The following TYK2 variants were observed in gnomAD, a reference collection of about 807,000 sequenced individuals.
TYK2 encodes tyrosine kinase 2.
TYK2 carries 65 observed loss-of-function variants against 130.9 expected under a neutral mutation model. The observed-to-expected ratio is 0.50, with a 90% CI of 0.41 to 0.61. The LOEUF (loss-of-function observed/expected upper bound fraction) is 0.61, where lower values mean the gene tolerates loss of function less well. Among genes scored for constraint, TYK2 ranks in the 20% least tolerant of loss-of-function variants. The pLI, the probability that TYK2 is intolerant of heterozygous loss-of-function variation, is 0.00. For missense variants in TYK2, 1,378 were observed against 1,610.7 expected, an observed-to-expected ratio of 0.86 and a Z score of 2.47; for synonymous variants, 647 against 658.9, an observed-to-expected ratio of 0.98 and a Z score of 0.28.
chr19:10,357,878 T>G lies in TYK2; in HGVS notation c.2352A>C (p.Leu784=). The G allele has an allele frequency of 1.2e-6, 2 of 1,613,474 alleles. No homozygotes were observed. The highest frequency in any genetic ancestry group is 1.7e-6 in the Non-Finnish European group (2 of 1,180,014). The change falls in exon 17 of 25, where the codon CTA becomes CTC. Residue 784 remains leucine, a synonymous_variant. Coordinates refer to ENST00000525621, the MANE Select transcript of TYK2 (RefSeq NM_003331.5). ...TGCTTAGGCTGTTGGCCCCACCTGG[T>G]AGGCATTCGGGGGCCAGCCAGGGGA... ...ERIPWLAPEC[L]PGGANSLSTA... is the part of the protein sequence containing the mutation.
At chr19:10,366,819 C>T (rs576433804) in intron 5 of TYK2, among the ~76,000 whole-genome samples, 10 of 150,864 alleles carry the variant, frequency 6.6e-5, no homozygotes, top group Admixed American at 4.0e-4. Flanking sequence ...CCAAGGCGGG[C>T]GGGTCACCTG....
chr19:10,361,315 G>C lies in TYK2; in HGVS notation c.2047+196C>G. 1.5e-6 allele frequency: 1 copy of C among 649,236 alleles called. No homozygotes were observed. Among genetic ancestry groups the C allele is most frequent in the Non-Finnish European group, 2.8e-6 (1 of 359,542 alleles). 40.2% of individuals were successfully genotyped at this position (649,236 alleles called of 1,614,324 possible). The stretch of plus-strand genomic sequence containing the variant: ...TGAGGGTCGACGTGTTGGGATGTAA[G>C]TTATGGGCTGGAATATCGTTAGGGG... On this transcript the variant is annotated intron_variant, in intron 14 of 24. Coordinates refer to ENST00000525621, the MANE Select transcript of TYK2 (RefSeq NM_003331.5). This position sits in a 1 kb window ranked among gnomAD's most constrained non-coding sequence, Gnocchi z 4.0.
At chr19:10,359,054 C>A in intron 15 of TYK2, 121 bp downstream of exon 15, 7 of 1,372,074 alleles carry the variant, frequency 5.1e-6, no homozygotes, top group Non-Finnish European at 6.0e-6. Context: ...CAGGGCGAAA[C>A]TCCACCTAAA....
In TYK2 at chr19:10,368,065, A is replaced by C. The variant is rs1355892968; in HGVS notation, c.455T>G (p.Leu152Arg). The C allele has an allele frequency of 6.2e-7, 1 of 1,614,106 alleles. No homozygotes were observed. Among genetic ancestry groups the C allele is most frequent in the Non-Finnish European group, 8.5e-7 (1 of 1,180,014 alleles). The stretch of plus-strand genomic sequence containing the variant: ...CAGCCCTGCTCATACCTGCTCAAAG[A>C]GGTACTCAAATGAGGCTGGGTCCAG... The part of the protein sequence containing the change: ...QLLDPASFEY[L>R]FEQGKHEFVN... The change falls in exon 5 of 25, where the codon CTC becomes CGC. Residue 152 changes from leucine to arginine, a missense_variant. Physicochemically the swap from Leu to Arg is moderately radical, Grantham distance 102. Coordinates refer to ENST00000525621, the MANE Select transcript of TYK2 (RefSeq NM_003331.5).
At chr19:10,378,529 T>C in intron 2 of TYK2, 103 bp from the exon 3 acceptor site, 1 of 909,772 alleles carries the variant, frequency 1.1e-6, no homozygotes, top group Non-Finnish European at 1.7e-6. Flanking sequence ...GGGAAGATTC[T>C]GGGCTCCCAT....
intron 15 of TYK2, among the ~76,000 whole-genome samples, chr19:10,358,414 G>A (rs1403812772): frequency 6.7e-6 from 1 of 149,406 alleles, no homozygotes; most frequent in Non-Finnish European, 1.5e-5. Flanking sequence ...CTTCCAAGTA[G>A]CGAGAATTAC....
chr19:10,362,764 G>A, intron 9 of TYK2, 107 bp from the exon 10 acceptor site: 3 of 980,296 alleles, frequency 3.1e-6, no homozygotes, highest in East Asian at 2.6e-5. Context: ...ACACAGCTAG[G>A]ACAAGTGTCA....
chr19:10,358,432 C>T (rs1161966934), intron 15 of TYK2, among the ~76,000 whole-genome samples: 1 of 150,990 alleles, frequency 6.6e-6, no homozygotes, highest in Non-Finnish European at 1.5e-5. Context: ...TACAGGTGCA[C>T]ATCACCACAG....
chr19:10,377,544 ATGGGTGGG>A (rs1568346445), intron 3 of TYK2, among the ~76,000 whole-genome samples: 1 of 65,030 alleles, frequency 1.5e-5, no homozygotes. Context: ...GGATGGATGG[ATGGGTGGG>A]TGGGTGGATG....
At chr19:10,363,183 C>T (rs1419598143) in intron 9 of TYK2, among the ~76,000 whole-genome samples, 2 of 143,462 alleles carry the variant, frequency 1.4e-5, no homozygotes, top group African/African-American at 5.2e-5. Context: ...GCTACCTGAT[C>T]TCTCTTTTTT....
At chr19:10,366,260 T>C (rs2041657795) in intron 6 of TYK2, among the ~76,000 whole-genome samples, 157 bp downstream of exon 6, 1 of 151,664 alleles carries the variant, frequency 6.6e-6, no homozygotes, top group Non-Finnish European at 1.5e-5. Flanking sequence ...TGAGCCAAGA[T>C]TGCGCCACTG....
chr19:10,359,983 C>G (rs1243993122), intron 14 of TYK2, among the ~76,000 whole-genome samples: 1 of 150,974 alleles, frequency 6.6e-6, no homozygotes, highest in East Asian at 2.0e-4. Flanking sequence ...TGCACTCCAG[C>G]CTGGGCGATA....
intron 3 of TYK2, among the ~76,000 whole-genome samples, chr19:10,372,829 T>C (rs2041974101): frequency 6.6e-6 from 1 of 151,910 alleles, no homozygotes; most frequent in Non-Finnish European, 1.5e-5. Flanking sequence ...AGTCACACCA[T>C]GGAATTATAC....
chr19:10,361,987 T>C lies in TYK2; in HGVS notation c.1774-32A>G, dbSNP rs775193802. ...GATCATGTGGCACAGAATACCGCCA[T>C]GGTGAAAGTTAGCAGCTGATCTCCC... On this transcript the variant is annotated intron_variant, in intron 12 of 24. Transcript: ENST00000525621. The surrounding 1 kb of genome is among the most constrained non-coding windows in gnomAD (Gnocchi z 4.0). The C allele has an allele frequency of 1.2e-6, 2 of 1,613,680 alleles. No homozygotes were observed. The highest frequency in any genetic ancestry group is 1.1e-5 in the South Asian group (1 of 91,084).
chr19:10,372,634 C>A, intron 3 of TYK2, among the ~76,000 whole-genome samples: 1 of 150,490 alleles, frequency 6.6e-6, no homozygotes, highest in South Asian at 2.1e-4. Context: ...AGGTGCACAC[C>A]AGCACACAGC....
At chr19:10,378,567 C>T in intron 2 of TYK2, 141 bp from the exon 3 acceptor site, 1 of 667,986 alleles carries the variant, frequency 1.5e-6, no homozygotes, top group South Asian at 1.8e-5. Flanking sequence ...GACCCGATTC[C>T]CTCTCTGAGT....
chr19:10,357,271 C>T (rs1033139597), intron 17 of TYK2: 1 of 553,194 alleles, frequency 1.8e-6, no homozygotes, highest in Non-Finnish European at 3.2e-6. Flanking sequence ...TGCCTGTAAT[C>T]CCCCCTACTC....
chr19:10,357,906 C>T lies in TYK2; in HGVS notation c.2324G>A (p.Arg775Lys), dbSNP rs760441861. 1 of 1,613,556 alleles carries T rather than the reference C, an allele frequency of 6.2e-7. No homozygotes were observed. Among genetic ancestry groups the T allele is most frequent in the Non-Finnish European group, 8.5e-7 (1 of 1,180,032 alleles). ...GALSREERVE[R>K]IPWLAPECLP... ...GCATTCGGGGGCCAGCCAGGGGATC[C>T]TCTCCACCCGCTCTGGGAGGCCAAG... The change falls in exon 17 of 25, where the codon AGG (arginine) becomes AAG (lysine). Residue 775 changes from arginine to lysine, a missense_variant. Coordinates refer to ENST00000525621, the MANE Select transcript of TYK2 (RefSeq NM_003331.5).
At chr19:10,368,033 GC>G in intron 5 of TYK2, 21 bp downstream of exon 5, 1 of 1,613,790 alleles carries the variant, frequency 6.2e-7, no homozygotes, top group Non-Finnish European at 8.5e-7. Flanking sequence ...AAATAGTCTT[GC>G]CACCCCAGCC....
Sources: allele counts gnomAD v4.1 joint callset (sites outside exome capture counted in the v4.1 genomes callset), GRCh38; gene constraint gnomAD v4.1.1; non-coding constraint Gnocchi (gnomAD v3.1); transcripts MANE v1.5; gene names NCBI Gene and HGNC (gene_info 2026-07-23, HGNC 2026-07-21).